Variants in HS3ST4 observed in about 807,000 individuals in gnomAD.
HS3ST4 encodes the protein heparan sulfate-glucosamine 3-sulfotransferase 4.
HS3ST4 carries 17 observed loss-of-function variants against 29.2 expected under a neutral mutation model. The observed-to-expected ratio is 0.58, with a 90% CI of 0.40 to 0.87. HS3ST4 has a LOEUF of 0.87. Among genes scored for constraint, HS3ST4 ranks in the 40% least tolerant of loss-of-function variants. The pLI, the probability that HS3ST4 is intolerant of heterozygous loss-of-function variation, is 0.00. For missense variants in HS3ST4, 627 were observed against 634.5 expected (o/e 0.99, Z 0.13); for synonymous variants, 314 against 285.7 (o/e 1.10, Z -1.00).
intron 1 of HS3ST4, among the ~76,000 whole-genome samples, chr16:25,699,731 G>A (rs189226107): frequency 6.6e-6 from 1 of 152,328 alleles, no homozygotes; most frequent in Non-Finnish European, 1.5e-5. Flanking sequence ...TGGAATAGAA[G>A]CAACATGGTT....
At chr16:25,864,348 G>T (rs12933738) in intron 1 of HS3ST4, among the ~76,000 whole-genome samples, 2 of 151,802 alleles carry the variant, frequency 1.3e-5, no homozygotes, top group Non-Finnish European at 2.9e-5. Flanking sequence ...CAACTTTTAA[G>T]TGTGCAAAGC....
intron 1 of HS3ST4, among the ~76,000 whole-genome samples, chr16:25,900,962 A>G (rs199744323): frequency 1.3e-5 from 2 of 151,970 alleles, no homozygotes; most frequent in South Asian, 2.1e-4. Context: ...CCGCCATGAT[A>G]CTCTGCTACT....
At chr16:26,120,109 T>C (rs1899256097) in intron 1 of HS3ST4, among the ~76,000 whole-genome samples, 1 of 150,986 alleles carries the variant, frequency 6.6e-6, no homozygotes, top group Non-Finnish European at 1.5e-5. Flanking sequence ...GTGTGACAGA[T>C]ACTCTACAGG....
In HS3ST4 at chr16:26,059,669, A is replaced by G. The variant is rs114875117; in HGVS notation, c.735-75943A>G. 4.0e-3 allele frequency among the ~76,000 whole-genome samples: 610 copies of G among 152,334 alleles called. 6 individuals are homozygous for G. The highest frequency in any genetic ancestry group is 0.014 in the African/African-American group (573 of 41,570). ...CTTAGCCTGATCTGTGAAGATCATG[A>G]TAACACCTCACTGGGATTTGATAGG... On this transcript the variant is annotated intron_variant, in intron 1 of 1. Coordinates refer to ENST00000331351, the MANE Select transcript of HS3ST4 (RefSeq NM_006040.3).
At chr16:25,797,978 A>G (rs958836728) in intron 1 of HS3ST4, among the ~76,000 whole-genome samples, 4 of 152,212 alleles carry the variant, frequency 2.6e-5, no homozygotes, top group Non-Finnish European at 5.9e-5. Context: ...GGCAGAGGCC[A>G]TATGACAGGC....
intron 1 of HS3ST4, among the ~76,000 whole-genome samples, chr16:25,745,879 C>G (rs1033061499): frequency 1.3e-5 from 2 of 152,184 alleles, no homozygotes; most frequent in African/African-American, 2.4e-5. Context: ...ATTTCTTCAT[C>G]TGGTCTGTAT....
At chr16:26,092,782 G>A (rs888329803) in intron 1 of HS3ST4, among the ~76,000 whole-genome samples, 4 of 152,140 alleles carry the variant, frequency 2.6e-5, no homozygotes, top group African/African-American at 7.2e-5. Context: ...GAAGCAGGGC[G>A]GGGCATTGCC....
chr16:26,064,800 G>A (rs955001794), intron 1 of HS3ST4, among the ~76,000 whole-genome samples: 1 of 151,730 alleles, frequency 6.6e-6, no homozygotes, highest in African/African-American at 2.4e-5. Context: ...TATTTTTCTT[G>A]GAGACGAGGT....
intron 1 of HS3ST4, among the ~76,000 whole-genome samples, chr16:26,096,253 C>T (rs111337448): frequency 9.2e-5 from 14 of 152,292 alleles, no homozygotes; most frequent in African/African-American, 2.9e-4. Context: ...ATGAGGCCAA[C>T]ATCATCCTGA....
At chr16:26,070,797 A>C (rs1898593934) in intron 1 of HS3ST4, among the ~76,000 whole-genome samples, 1 of 152,172 alleles carries the variant, frequency 6.6e-6, no homozygotes, top group Non-Finnish European at 1.5e-5. Context: ...GTTAGTCAAC[A>C]CGTTGTTGGA....
intron 1 of HS3ST4, among the ~76,000 whole-genome samples, chr16:26,001,263 A>T (rs540018362): frequency 6.6e-6 from 1 of 152,182 alleles, no homozygotes; most frequent in Non-Finnish European, 1.5e-5. Flanking sequence ...ACCTACAAGT[A>T]TTTCGGGGTA....
intron 1 of HS3ST4, among the ~76,000 whole-genome samples, chr16:25,792,935 ATT>A (rs1966872705): frequency 6.6e-6 from 1 of 151,838 alleles, no homozygotes. Context: ...TTCCCTCTTA[ATT>A]ACAATTTCAG....
chr16:25,884,632 C>T (rs1967930285), intron 1 of HS3ST4, among the ~76,000 whole-genome samples: 1 of 152,294 alleles, frequency 6.6e-6, no homozygotes, highest in Non-Finnish European at 1.5e-5. Context: ...ATGGCGTGAT[C>T]TCAACTCACA....
At chr16:26,078,292 G>A (rs1230805448) in intron 1 of HS3ST4, among the ~76,000 whole-genome samples, 1 of 152,068 alleles carries the variant, frequency 6.6e-6, no homozygotes, top group East Asian at 1.9e-4. Flanking sequence ...AGGCGCCCAC[G>A]ACCACATCCA....
At chr16:26,083,543 G>A (rs1898749072) in intron 1 of HS3ST4, among the ~76,000 whole-genome samples, 1 of 152,128 alleles carries the variant, frequency 6.6e-6, no homozygotes, top group South Asian at 2.1e-4. Flanking sequence ...TGAGGTCTTT[G>A]TCACAGCTAC....
At chr16:26,003,675 A>G (rs1009539362) in intron 1 of HS3ST4, among the ~76,000 whole-genome samples, 4 of 152,168 alleles carry the variant, frequency 2.6e-5, no homozygotes, top group Non-Finnish European at 4.4e-5. Context: ...ACTGGCCACT[A>G]TGGTCAGTGG....
chr16:25,778,332 G>C (rs1328472237), intron 1 of HS3ST4, among the ~76,000 whole-genome samples: 1 of 152,142 alleles, frequency 6.6e-6, no homozygotes, highest in Non-Finnish European at 1.5e-5. Context: ...ACAATCCAGT[G>C]CCTCACCTTA....
chr16:26,129,317 A>G (rs1899388131), intron 1 of HS3ST4, among the ~76,000 whole-genome samples: 1 of 152,214 alleles, frequency 6.6e-6, no homozygotes, highest in Non-Finnish European at 1.5e-5. Flanking sequence ...ACCTTGGGCC[A>G]GTCATGTAAC....
At chr16:25,973,313 T>C (rs150266578) in intron 1 of HS3ST4, among the ~76,000 whole-genome samples, 181 of 152,320 alleles carry the variant, frequency 1.2e-3, no homozygotes, top group African/African-American at 4.2e-3. Context: ...AGGATTTTTA[T>C]GATGAGAAAT....
Sources: gnomAD v4.1 joint callset for allele counts (sites outside exome capture counted in the v4.1 genomes callset) on GRCh38, gnomAD v4.1.1 for gene constraint, MANE v1.5 for transcripts, NCBI Gene and HGNC (gene_info 2026-07-23, HGNC 2026-07-21) for gene names.